NEBL: variants seen among roughly 807,000 people sequenced by gnomAD.
NEBL encodes the protein LIM and SH3 protein 2.
NEBL carries 122 observed loss-of-function variants against 140.2 expected under a neutral mutation model. The observed-to-expected ratio is 0.87, with a 90% CI of 0.75 to 1.01. The LOEUF is 1.01. Among genes scored for constraint, NEBL ranks in the 50% least tolerant of loss-of-function variants. The pLI, the probability that NEBL is intolerant of heterozygous loss-of-function variation, is 0.00. For missense variants in NEBL, 1,365 were observed against 1,231.3 expected (o/e 1.11, Z -1.62); for synonymous variants, 436 against 398.9 (o/e 1.09, Z -1.11).
intron 4 of NEBL, among the ~76,000 whole-genome samples, chr10:20,887,406 T>A (rs2131356584): frequency 7.0e-6 from 1 of 143,682 alleles, no homozygotes; most frequent in Admixed American, 7.3e-5. Context: ...GATCCTGAAT[T>A]CAACCTTTTT....
At chr10:21,134,749 CCTT>C (rs1045342858) in intron 2 of NEBL, among the ~76,000 whole-genome samples, 31 of 152,164 alleles carry the variant, frequency 2.0e-4, no homozygotes, top group African/African-American at 7.5e-4. Context: ...GATGGGGAAA[CCTT>C]CTGGGATCAA....
intron 3 of NEBL, among the ~76,000 whole-genome samples, chr10:21,001,639 T>C (rs1589125502): frequency 6.6e-6 from 1 of 152,236 alleles, no homozygotes; most frequent in Non-Finnish European, 1.5e-5. Flanking sequence ...ACTTTTTTTT[T>C]TTTTGTCTTT....
At chr10:20,999,602 T>A (rs12570525) in intron 3 of NEBL, among the ~76,000 whole-genome samples, 3 of 151,944 alleles carry the variant, frequency 2.0e-5, no homozygotes, top group East Asian at 3.9e-4. Context: ...CTGTCTCACC[T>A]CACAAAAGAA....
In NEBL at chr10:20,813,988, T is replaced by A. The variant is rs1479921102; in HGVS notation, c.2297A>T (p.Asp766Val). 1.9e-6 allele frequency: 3 copies of A among 1,611,610 alleles called. No individual in the cohort carries two copies. The highest frequency in any genetic ancestry group is 1.7e-5 in the Admixed American group (1 of 59,998). ...TTTAACATGTCTCATAGCAGGTGTA[T>A]CTAAAATCAGACTTGGTCTACCTTT... ...QMKGRPSLIL[D>V]TPAMRHVKEA... Residue 766 changes from aspartate (D) to valine (V), a missense_variant, in exon 23 of 28, where the codon GAT becomes GTT. By Grantham distance (152) the Asp-to-Val change is radical. Coordinates refer to ENST00000377122, the MANE Select transcript of NEBL (RefSeq NM_006393.3).
At chr10:21,277,614 A>G (rs1385858125) in intron 1 of NEBL, among the ~76,000 whole-genome samples, 1 of 152,180 alleles carries the variant, frequency 6.6e-6, no homozygotes, top group East Asian at 1.9e-4. Context: ...CAGAACATAC[A>G]GTTAGTCATT....
At chr10:21,267,747 A>G (rs1368038004) in intron 1 of NEBL, among the ~76,000 whole-genome samples, 1 of 152,220 alleles carries the variant, frequency 6.6e-6, no homozygotes, top group Admixed American at 6.5e-5. Flanking sequence ...TTAATATTAA[A>G]TTAGTTAAAA....
In NEBL at chr10:20,845,321, T is replaced by C. The variant is rs756646320; in HGVS notation, c.1164A>G (p.Ser388=). The C allele has an allele frequency of 1.9e-6, 3 of 1,606,606 alleles. No homozygotes were observed. Among genetic ancestry groups the C allele is most frequent in the Non-Finnish European group, 2.6e-6 (3 of 1,173,574 alleles). ...ATTCTGGAGTCTTGTCTAAATCCAGTGATGACCTTCCTTTAATCTCCTTCT... is the reference window on the plus strand; with the variant it reads ...ATTCTGGAGTCTTGTCTAAATCCAGCGATGACCTTCCTTTAATCTCCTTCT... ...DFEKEIKGRS[S]LDLDKTPEFL... Residue 388 remains serine, a synonymous_variant, in exon 12 of 28, where the codon TCA becomes TCG. Coordinates refer to ENST00000377122, the MANE Select transcript of NEBL (RefSeq NM_006393.3).
upstream of NEBL, among the ~76,000 whole-genome samples, chr10:21,179,629 A>C (rs935959886): frequency 2.0e-5 from 3 of 152,048 alleles, no homozygotes; most frequent in African/African-American, 7.2e-5. Context: ...GTTTCAGTGT[A>C]TTGGACCATT....
intron 4 of NEBL, among the ~76,000 whole-genome samples, chr10:20,948,363 G>A (rs766042653): frequency 2.0e-5 from 3 of 152,022 alleles, no homozygotes; most frequent in Non-Finnish European, 4.4e-5. Flanking sequence ...CCAGTGGTGT[G>A]GTTTATTTCA....
intron 3 of NEBL, among the ~76,000 whole-genome samples, chr10:21,237,116 T>A (rs1416537695): frequency 6.6e-6 from 1 of 152,198 alleles, no homozygotes; most frequent in South Asian, 2.1e-4. Flanking sequence ...TTAAATAACC[T>A]CCTCCATAAA....
chr10:20,966,081 G>A (rs1044153978), intron 3 of NEBL, among the ~76,000 whole-genome samples: 8 of 152,216 alleles, frequency 5.3e-5, no homozygotes, highest in African/African-American at 1.9e-4. Context: ...AGAAATTCAT[G>A]TAATAGGCAA....
intron 4 of NEBL, among the ~76,000 whole-genome samples, chr10:20,881,654 T>C (rs1419104895): frequency 6.6e-6 from 1 of 152,238 alleles, no homozygotes; most frequent in Non-Finnish European, 1.5e-5. Flanking sequence ...TTAGTTTATG[T>C]ATAATTACTT....
At chr10:21,028,235 C>CAAAAAAAAAAAA (rs1168946872) in intron 2 of NEBL, among the ~76,000 whole-genome samples, 23 of 66,212 alleles carry the variant, frequency 3.5e-4, no homozygotes, top group Middle Eastern at 0.01. Context: ...TCAAACATCT[C>CAAAAAAAAAAAA]AAAAAAAAAA....
intron 10 of NEBL, 41 bp from the exon 11 acceptor site, chr10:20,850,543 T>A: frequency 7.7e-7 from 1 of 1,302,696 alleles, no homozygotes; most frequent in Non-Finnish European, 1.1e-6. Context: ...TCGAAAGTCC[T>A]TATACAAACA....
At chr10:20,982,190 G>A (rs992111094) in intron 3 of NEBL, among the ~76,000 whole-genome samples, 5 of 152,132 alleles carry the variant, frequency 3.3e-5, no homozygotes, top group Admixed American at 1.3e-4. Context: ...TATGGTTTAG[G>A]AATGCATCGT....
Position 20,859,766 on chromosome 10 carries a change from G to C in NEBL, c.745C>G (p.Leu249Val). The C allele has an allele frequency of 6.2e-7, 1 of 1,605,146 alleles. No individual in the cohort carries two copies. Among genetic ancestry groups the C allele is most frequent in the Non-Finnish European group, 8.5e-7 (1 of 1,172,782 alleles). Residue 249 changes from leucine to valine, a missense_variant, in exon 8 of 28, where the codon CTT becomes GTT. This residue lies in a region of NEBL where 1,323 missense variants were observed against 1,154.8 expected (regional missense o/e 1.15). Transcript: ENST00000377122. ...MKDKKHHYNPLESASFRQNQL... is the reference protein window; with the variant it reads ...MKDKKHHYNPVESASFRQNQL... ...TTCTGCCTAAAAGAAGCACTTTCAA[G>C]AGGATTGTAATGATGTTTCTTATCC...
chr10:20,914,422 C>T (rs190782574), intron 4 of NEBL, among the ~76,000 whole-genome samples: 1 of 152,280 alleles, frequency 6.6e-6, no homozygotes, highest in East Asian at 1.9e-4. Context: ...TGAGATTACC[C>T]TCTATGTTTC....
chr10:20,936,096 T>G (rs1319918011), intron 4 of NEBL, among the ~76,000 whole-genome samples: 3 of 152,220 alleles, frequency 2.0e-5, no homozygotes, highest in Admixed American at 6.5e-5. Flanking sequence ...TTAAAGCATT[T>G]CCATGCCAAA....
At chr10:21,024,888 G>A (rs565548587) in intron 2 of NEBL, among the ~76,000 whole-genome samples, 3 of 152,270 alleles carry the variant, frequency 2.0e-5, no homozygotes, top group East Asian at 1.9e-4. Context: ...GTCCTCATAC[G>A]ATTATAGAAG....
Sources: gnomAD v4.1 joint callset for allele counts (sites outside exome capture counted in the v4.1 genomes callset) on GRCh38, gnomAD v4.1.1 for gene constraint, gnomAD v4.1.1 regional missense constraint, MANE v1.5 for transcripts, NCBI Gene and HGNC (gene_info 2026-07-23, HGNC 2026-07-21) for gene names.